PCDHGB2: variants seen among roughly 807,000 people sequenced by gnomAD.
PCDHGB2 encodes the protein protocadherin gamma-B2.
A neutral mutation model predicts 59.3 loss-of-function variants in PCDHGB2; 55 were observed. That is an observed-to-expected ratio of 0.93 (90% CI 0.75 to 1.16). The LOEUF (loss-of-function observed/expected upper bound fraction) is 1.16. Ranked by LOEUF, PCDHGB2 falls within the 50% of genes most tolerant of loss-of-function variation. PCDHGB2 has a pLI of 0.00. For missense variants in PCDHGB2, 1,228 were observed against 1,198.5 expected (o/e 1.02, Z -0.36); for synonymous variants, 516 against 512.0 (o/e 1.01, Z -0.11).
intron 1 of PCDHGB2, among the ~76,000 whole-genome samples, chr5:141,488,511 G>A (rs2099676160): frequency 6.6e-6 from 1 of 152,162 alleles, no homozygotes. Context: ...CCACATTTGG[G>A]GTCTGGGGTG....
At chr5:141,379,313 A>G (rs1053297201) in intron 1 of PCDHGB2, 11 of 152,382 alleles carry the variant, frequency 7.2e-5, no homozygotes, top group Non-Finnish European at 1.5e-4. Flanking sequence ...CCTAAACAAG[A>G]GATCTAATCA....
rs370966840 is a variant in PCDHGB2 at position 141,360,786 on chromosome 5, C to T, written c.651C>T (p.Gly217=). ...LHQLVLTAVD[G]GDPPQSGTTQ... ...AATTGGTCCTCACAGCTGTGGATGG[C>T]GGAGACCCACCTCAAAGTGGCACGA... Residue 217 remains glycine, a synonymous_variant, in exon 1 of 4, where the codon GGC becomes GGT. Coordinates refer to ENST00000522605, the MANE Select transcript of PCDHGB2 (RefSeq NM_018923.3). The T allele has an allele frequency of 1.7e-3, 2,804 of 1,612,498 alleles. 7 individuals carry two copies. The highest frequency in any genetic ancestry group is 2.1e-3 in the Non-Finnish European group (2,428 of 1,179,770).
At chr5:141,364,666 C>T in intron 1 of PCDHGB2, 2 of 1,614,024 alleles carry the variant, frequency 1.2e-6, no homozygotes, top group South Asian at 1.1e-5. Flanking sequence ...TGGTTGAGAA[C>T]AAAATGAAAA....
At chr5:141,410,828 C>A in intron 1 of PCDHGB2, 4 of 377,748 alleles carry the variant, frequency 1.1e-5, no homozygotes, top group Non-Finnish European at 1.8e-5. Context: ...TGTCACCAGA[C>A]TGAAGATATT....
intron 1 of PCDHGB2, chr5:141,372,164 G>C: frequency 6.2e-7 from 1 of 1,613,780 alleles, no homozygotes; most frequent in Non-Finnish European, 8.5e-7. Context: ...TGGTGACCAA[G>C]GTGGTGGCGG....
intron 2 of PCDHGB2, among the ~76,000 whole-genome samples, chr5:141,503,365 G>A (rs2099819492): frequency 6.6e-6 from 1 of 152,020 alleles, no homozygotes; most frequent in East Asian, 1.9e-4. Flanking sequence ...GGGAAGCGGA[G>A]GCAGGTGGAT....
intron 1 of PCDHGB2, chr5:141,373,841 C>T: frequency 2.3e-6 from 1 of 438,764 alleles, no homozygotes; most frequent in Non-Finnish European, 4.0e-6. Flanking sequence ...TAAGTTAGGA[C>T]TCTAAGCGTC....
chr5:141,383,651 T>TC, intron 1 of PCDHGB2: 1 of 1,613,922 alleles, frequency 6.2e-7, no homozygotes, highest in Non-Finnish European at 8.5e-7. Flanking sequence ...CAAGTAACTG[T>TC]CCCCGAGAAT....
chr5:141,506,742 A>G (rs1475692668), intron 3 of PCDHGB2, among the ~76,000 whole-genome samples: 5 of 152,172 alleles, frequency 3.3e-5, no homozygotes, highest in Non-Finnish European at 7.3e-5. Context: ...AATGCCTATT[A>G]ATAAAGACTA....
intron 1 of PCDHGB2, chr5:141,374,742 C>A (rs1382250910): frequency 1.2e-6 from 2 of 1,611,728 alleles, no homozygotes; most frequent in African/African-American, 1.3e-5. Flanking sequence ...GGCGGCGACC[C>A]TGTCCGCTCA....
In PCDHGB2 at chr5:141,489,844, C is replaced by G. The variant is rs1004902910; in HGVS notation, c.2422-4963C>G. Reference sequence around the variant, plus strand: ...GCTGGTGCTAGAGCAGCAGCTGGATCGTGAAGCCCAGGCAAGACATCAGCT... The same window carrying G: ...GCTGGTGCTAGAGCAGCAGCTGGATGGTGAAGCCCAGGCAAGACATCAGCT... On this transcript the variant is annotated intron_variant, in intron 1 of 3. Coordinates refer to ENST00000522605, the MANE Select transcript of PCDHGB2 (RefSeq NM_018923.3). The surrounding 1 kb of genome is among the most constrained non-coding windows in gnomAD (Gnocchi z 4.5). The G allele has an allele frequency of 1.2e-6, 2 of 1,614,030 alleles. No individual in the cohort carries two copies. Among genetic ancestry groups the G allele is most frequent in the Non-Finnish European group, 8.5e-7 (1 of 1,179,990 alleles).
chr5:141,366,178 C>A lies in PCDHGB2; in HGVS notation c.2421+3622C>A, dbSNP rs778986920. The stretch of plus-strand genomic sequence containing the variant: ...TGCTTAAGGCCAGCGAGCCAGGACT[C>A]TTTGCGGTTGGGCTGCACACGGGCG... On this transcript the variant is annotated intron_variant, in intron 1 of 3. Coordinates refer to ENST00000522605, the MANE Select transcript of PCDHGB2 (RefSeq NM_018923.3). The A allele has an allele frequency of 3.1e-6, 5 of 1,613,926 alleles. No individual in the cohort carries two copies. In the Admixed American group the frequency reaches 8.3e-5, roughly 27 times the overall value.
chr5:141,389,204 T>G, intron 1 of PCDHGB2: 6 of 1,613,894 alleles, frequency 3.7e-6, no homozygotes, highest in Non-Finnish European at 5.1e-6. Context: ...CCCTGCACAT[T>G]GGTGATGTAA....
Position 141,360,577 on chromosome 5 carries a change from C to T in PCDHGB2, c.442C>T (p.Pro148Ser), listed in dbSNP as rs546241238. 1.9e-6 allele frequency: 3 copies of T among 1,613,934 alleles called. No homozygotes were observed. The highest frequency in any genetic ancestry group is 4.5e-5 in the East Asian group (2 of 44,884). The change falls in exon 1 of 4, where the codon CCA (proline) becomes TCA (serine). Residue 148 changes from proline (P) to serine (S), a missense_variant. Physicochemically the swap from Pro to Ser is moderately conservative, Grantham distance 74 (BLOSUM62 -1). Coordinates refer to ENST00000522605, the MANE Select transcript of PCDHGB2 (RefSeq NM_018923.3). ...INLKIGESTK[P>S]GTTFPLDPAL... The stretch of plus-strand genomic sequence containing the variant: ...TTTAAAAATTGGCGAATCCACTAAG[C>T]CAGGTACAACATTTCCACTTGACCC...
chr5:141,483,648 T>TTGTGTGTGTGTG (rs111458813), intron 1 of PCDHGB2, among the ~76,000 whole-genome samples: 51 of 149,708 alleles, frequency 3.4e-4, no homozygotes, highest in African/African-American at 1.2e-3. Context: ...GGGTGTGTGT[T>TTGTGTGTGTGTG]TGTGTGTGTG....
chr5:141,415,590 A>G lies in PCDHGB2; in HGVS notation c.2421+53034A>G, dbSNP rs201666137. On this transcript the variant is annotated intron_variant, in intron 1 of 3. Transcript: ENST00000522605. ...TGTTAGATGATTCGAAGTTTCCTAT[A>G]GAGGATACCCCATTGGTTCCAGTGA... 60 of 1,613,946 alleles carry G rather than the reference A, an allele frequency of 3.7e-5. 1 individual carries two copies. The African/African-American group carries it at 7.2e-4, about 19-fold the overall frequency.
chr5:141,431,147 G>A lies in PCDHGB2; in HGVS notation c.2422-63660G>A, dbSNP rs1303502732. ...AGAAGTAAGGGACATTAACGACAAT[G>A]CGCCTTACTTTCGTGAAAGTGAATT... On this transcript the variant is annotated intron_variant, in intron 1 of 3. Coordinates refer to ENST00000522605, the MANE Select transcript of PCDHGB2 (RefSeq NM_018923.3). The surrounding 1 kb of genome is among the most constrained non-coding windows in gnomAD (Gnocchi z 4.8). 6.2e-7 allele frequency: 1 copy of A among 1,614,228 alleles called. No homozygotes were observed. The highest frequency in any genetic ancestry group is 1.7e-5 in the Admixed American group (1 of 60,030).
chr5:141,465,125 G>A (rs1003967387), intron 1 of PCDHGB2, among the ~76,000 whole-genome samples: 1 of 151,194 alleles, frequency 6.6e-6, no homozygotes, highest in Non-Finnish European at 1.5e-5. Context: ...GCCTAAATTT[G>A]TAAAAAGTTT....
At position 141,489,181 on chromosome 5, in the gene PCDHGB2, T is replaced by C; in HGVS notation, c.2422-5626T>C. The C allele has an allele frequency of 1.6e-6, 2 of 1,259,546 alleles. No homozygotes were observed. The highest frequency in any genetic ancestry group is 2.2e-6 in the Non-Finnish European group (2 of 905,040). The allele number at this position is 1,259,546 out of a possible 1,614,324, so 78.0% of individuals were successfully genotyped here. ...ACTTCAGCTGCTGCATTCCAAGCCC[T>C]GGGTCTACCTTGGAGACAGGACAGC... On this transcript the variant is annotated intron_variant, in intron 1 of 3. Transcript: ENST00000522605. This position sits in a 1 kb window ranked among gnomAD's most constrained non-coding sequence, Gnocchi z 4.5.
Sources: gnomAD v4.1 joint callset for allele counts (sites outside exome capture counted in the v4.1 genomes callset) on GRCh38, gnomAD v4.1.1 for gene constraint, Gnocchi (gnomAD v3.1) non-coding constraint, MANE v1.5 for transcripts, NCBI Gene and HGNC (gene_info 2026-07-23, HGNC 2026-07-21) for gene names.